NRXN1: variants seen among roughly 807,000 people sequenced by gnomAD.
NRXN1 encodes neurexin 1, also known as neurexin-1.
NRXN1 carries 39 observed loss-of-function variants against 150.9 expected under a neutral mutation model. The ratio of observed to expected loss-of-function variants is 0.26; its 90% CI spans 0.20 to 0.34. The LOEUF is 0.34. Ranked by LOEUF, NRXN1 falls within the 10% of genes least tolerant of loss-of-function variation. The probability of loss-of-function intolerance (pLI) is 1.00; values close to 1 mark genes in which losing one functional copy is unlikely to be tolerated. For synonymous variants in NRXN1, 924 were observed against 757.0 expected (o/e 1.22, Z -3.62); for missense variants, 1,815 against 1,949.9 (o/e 0.93, Z 1.30).
chr2:50,302,951 A>AT (rs2074299813), intron 17 of NRXN1, among the ~76,000 whole-genome samples: 1 of 151,924 alleles, frequency 6.6e-6, no homozygotes, highest in African/African-American at 2.4e-5. Flanking sequence ...CCATCCATCT[A>AT]TTCATTTGTT....
chr2:49,977,890 G>T (rs1226428561), intron 21 of NRXN1, among the ~76,000 whole-genome samples: 2 of 152,150 alleles, frequency 1.3e-5, no homozygotes, highest in Admixed American at 6.5e-5. Flanking sequence ...AAATGTAGCG[G>T]GGCGGTGGCT....
Position 51,028,294 on chromosome 2 carries a change from G to T in NRXN1, c.-21C>A, listed in dbSNP as rs576405440. ...CCCATGCTCGGGGCTGGGGTGCGGC[G>T]GGGGGGTGCCGGGGCCGACAGGGTC... On this transcript the variant is annotated 5_prime_UTR_variant, in exon 2 of 23. Transcript: ENST00000401669. The T allele has an allele frequency of 7.9e-5, 112 of 1,411,242 alleles. 1 individual carries two copies. The African/African-American group carries it at 1.5e-3, about 19-fold the overall frequency. The allele number at this position is 1,411,242 out of a possible 1,614,324, so 87.4% of individuals were successfully genotyped here.
chr2:49,967,243 T>C (rs1040421748), intron 21 of NRXN1, among the ~76,000 whole-genome samples: 1 of 152,048 alleles, frequency 6.6e-6, no homozygotes, highest in African/African-American at 2.4e-5. Context: ...TAGGGAAAAA[T>C]GAACAAAAAG....
intron 15 of NRXN1, among the ~76,000 whole-genome samples, chr2:50,489,727 C>T (rs769659686): frequency 2.3e-4 from 35 of 152,172 alleles, no homozygotes; most frequent in Non-Finnish European, 4.1e-4. Context: ...CAGAAAAATT[C>T]AGAAACAAGT....
intron 8 of NRXN1, among the ~76,000 whole-genome samples, chr2:50,600,076 G>T (rs996068370): frequency 6.6e-6 from 1 of 152,006 alleles, no homozygotes; most frequent in Non-Finnish European, 1.5e-5. Flanking sequence ...TGTCTGACTA[G>T]CCAAAAGCAA....
chr2:50,430,559 T>C (rs1021917701), intron 17 of NRXN1, among the ~76,000 whole-genome samples: 32 of 152,236 alleles, frequency 2.1e-4, no homozygotes, highest in Admixed American at 2.0e-3. Context: ...GTATAGTTTA[T>C]GTACTTGCAG....
At chr2:50,812,482 T>A (rs562889060) in intron 5 of NRXN1, among the ~76,000 whole-genome samples, 1 of 152,138 alleles carries the variant, frequency 6.6e-6, no homozygotes, top group Non-Finnish European at 1.5e-5. Flanking sequence ...GAAATTTTCC[T>A]CTTTGTAAGT....
intron 15 of NRXN1, among the ~76,000 whole-genome samples, chr2:50,481,490 G>T (rs931212189): frequency 6.6e-6 from 1 of 152,086 alleles, no homozygotes; most frequent in Non-Finnish European, 1.5e-5. Context: ...TTATCAAAAT[G>T]TTTTTTACCA....
At chr2:50,673,409 A>T (rs1347362874) in intron 5 of NRXN1, among the ~76,000 whole-genome samples, 2 of 152,104 alleles carry the variant, frequency 1.3e-5, no homozygotes, top group Non-Finnish European at 2.9e-5. Flanking sequence ...ATTTACAGCA[A>T]TGCCTACAGT....
At chr2:50,673,939 C>T (rs62142357) in intron 5 of NRXN1, among the ~76,000 whole-genome samples, 11,889 of 151,860 alleles carry the variant, frequency 0.078, 559 homozygotes, top group Non-Finnish European at 0.11. Flanking sequence ...ACTCATCACC[C>T]GCCTGTCAGG....
intron 5 of NRXN1, among the ~76,000 whole-genome samples, chr2:50,761,398 G>A (rs1181420391): frequency 6.6e-6 from 1 of 151,742 alleles, no homozygotes; most frequent in Non-Finnish European, 1.5e-5. Flanking sequence ...CTCATGAGAT[G>A]TGATGGTTTT....
intron 17 of NRXN1, among the ~76,000 whole-genome samples, chr2:50,238,430 G>C (rs2065676370): frequency 6.6e-6 from 1 of 151,906 alleles, no homozygotes. Flanking sequence ...CTTGCAGACA[G>C]CAGATCATAT....
chr2:50,509,804 C>A (rs551686734), intron 12 of NRXN1, among the ~76,000 whole-genome samples: 1 of 152,266 alleles, frequency 6.6e-6, no homozygotes, highest in Middle Eastern at 3.4e-3. Context: ...CAATGTATTA[C>A]AGACTTAATG....
intron 21 of NRXN1, among the ~76,000 whole-genome samples, chr2:49,986,451 T>C (rs1455053630): frequency 1.3e-5 from 2 of 152,224 alleles, no homozygotes; most frequent in African/African-American, 2.4e-5. Context: ...TTTACATTTT[T>C]GCAGATCTTT....
chr2:50,733,587 T>A (rs924808482), intron 5 of NRXN1, among the ~76,000 whole-genome samples: 1 of 152,176 alleles, frequency 6.6e-6, no homozygotes, highest in Non-Finnish European at 1.5e-5. Flanking sequence ...AATGAAAAAG[T>A]AAATACAACC....
intron 17 of NRXN1, among the ~76,000 whole-genome samples, chr2:50,454,621 C>T (rs1301670006): frequency 1.3e-5 from 2 of 149,910 alleles, no homozygotes; most frequent in Non-Finnish European, 3.0e-5. Flanking sequence ...TGTGATGTGA[C>T]ATGTACATAT....
chr2:50,513,944 T>G (rs150294110), intron 12 of NRXN1, among the ~76,000 whole-genome samples: 88 of 152,330 alleles, frequency 5.8e-4, no homozygotes, highest in African/African-American at 2.0e-3. Context: ...GGTGCATATA[T>G]TTTAAAGAGG....
At chr2:50,433,192 GAGTT>G (rs768422461) in intron 17 of NRXN1, among the ~76,000 whole-genome samples, 33 of 152,310 alleles carry the variant, frequency 2.2e-4, no homozygotes, top group Non-Finnish European at 3.7e-4. Flanking sequence ...TTTAGCCACT[GAGTT>G]AGTCAATCCC....
At chr2:50,042,218 G>A (rs1340411963) in intron 21 of NRXN1, among the ~76,000 whole-genome samples, 2 of 151,990 alleles carry the variant, frequency 1.3e-5, no homozygotes, top group Non-Finnish European at 2.9e-5. Context: ...GGACTGATAC[G>A]GTTTGGCTGT....
Sources: gnomAD v4.1 joint callset for allele counts (sites outside exome capture counted in the v4.1 genomes callset) on GRCh38, gnomAD v4.1.1 for gene constraint, MANE v1.5 for transcripts, NCBI Gene and HGNC (gene_info 2026-07-23, HGNC 2026-07-21) for gene names.